DOCK3: variants seen among roughly 807,000 people sequenced by gnomAD.
The protein encoded by DOCK3 is dedicator of cytokinesis protein 3.
In DOCK3, 60 loss-of-function variants were observed where a neutral mutation model predicts 265.6. The observed-to-expected ratio is 0.23, with a 90% confidence interval of 0.18 to 0.28. The LOEUF is 0.28. Ranked by LOEUF, DOCK3 falls within the 10% of genes least tolerant of loss-of-function variation. The pLI, the probability that DOCK3 is intolerant of heterozygous loss-of-function variation, is 1.00. For synonymous variants in DOCK3, 881 were observed against 938.0 expected, an observed-to-expected ratio of 0.94 and a Z score of 1.11; for missense variants, 1,981 against 2,594.3, an observed-to-expected ratio of 0.76 and a Z score of 5.14.
chr3:51,358,211 T>C, intron 46 of DOCK3, 134 bp downstream of exon 46: 1 of 798,578 alleles, frequency 1.3e-6, no homozygotes, highest in South Asian at 1.7e-5. Flanking sequence ...GAGGCTGTCC[T>C]CCCTACAGAG....
At chr3:51,349,027 C>A in intron 39 of DOCK3, 89 bp downstream of exon 39, 1 of 1,241,832 alleles carries the variant, frequency 8.1e-7, no homozygotes, top group Non-Finnish European at 1.1e-6. Flanking sequence ...TAGTTTAGTG[C>A]TGTGGACAAT....
chr3:50,960,258 T>A (rs1363854830), intron 5 of DOCK3, among the ~76,000 whole-genome samples: 1 of 152,214 alleles, frequency 6.6e-6, no homozygotes, highest in African/African-American at 2.4e-5. Context: ...TATTTTTAAC[T>A]TTTAAAGAAA....
At chr3:50,859,468 G>C (rs1302734949) in intron 3 of DOCK3, among the ~76,000 whole-genome samples, 2 of 151,774 alleles carry the variant, frequency 1.3e-5, no homozygotes, top group African/African-American at 4.8e-5. Context: ...CACCCCCCTC[G>C]GCCTCCCAAA....
chr3:50,712,527 G>A (rs2036841330), intron 1 of DOCK3, among the ~76,000 whole-genome samples: 1 of 152,092 alleles, frequency 6.6e-6, no homozygotes, highest in East Asian at 1.9e-4. Flanking sequence ...TAGTAGAGTC[G>A]GGGTTTTGCC....
At chr3:51,255,844 A>G (rs1436997158) in intron 22 of DOCK3, among the ~76,000 whole-genome samples, 1 of 152,192 alleles carries the variant, frequency 6.6e-6, no homozygotes, top group Non-Finnish European at 1.5e-5. Context: ...GTTATTACCG[A>G]TAGTCTGAAG....
At chr3:50,948,141 C>T (rs1394380936) in intron 5 of DOCK3, among the ~76,000 whole-genome samples, 1 of 149,932 alleles carries the variant, frequency 6.7e-6, no homozygotes, top group African/African-American at 2.4e-5. Flanking sequence ...ACTGCAAGCT[C>T]CACCTCCTGG....
rs112598890 is a variant in DOCK3 at position 50,855,917 on chromosome 3, A to G, written c.162+14202A>G. On this transcript the variant is annotated intron_variant, in intron 3 of 52. Coordinates refer to ENST00000266037, the MANE Select transcript of DOCK3 (RefSeq NM_004947.5). Reference sequence around the variant, plus strand: ...TGTTCTTATCATTCAGCTCCCACTTATAAGTGAGAACATGCAGTGTTTGGT... The same window carrying G: ...TGTTCTTATCATTCAGCTCCCACTTGTAAGTGAGAACATGCAGTGTTTGGT... Among the ~76,000 whole-genome samples, 525 of 152,158 alleles carry G rather than the reference A, an allele frequency of 3.5e-3. 4 individuals carry two copies. The highest frequency in any genetic ancestry group is 0.012 in the African/African-American group (507 of 41,484).
Position 51,356,164 on chromosome 3 carries a change from T to A in DOCK3, c.4325T>A (p.Val1442Asp). 2 of 1,613,818 alleles carry A rather than the reference T, an allele frequency of 1.2e-6. No individual in the cohort carries two copies. Among genetic ancestry groups the A allele is most frequent in the Non-Finnish European group, 1.7e-6 (2 of 1,179,846 alleles). The change falls in exon 42 of 53, where the codon GTC (valine) becomes GAC (aspartate). Residue 1442 changes from valine (V) to aspartate (D), a missense_variant. By Grantham distance (152) the Val-to-Asp change is radical. Transcript: ENST00000266037. ...VLQMDRVPDR[V>D]KSFYRVNNVR... ...CAGATGGATAGGGTACCAGATCGAG[T>A]CAAGAGCTTCTATCGCGTCAACAAT...
intron 3 of DOCK3, among the ~76,000 whole-genome samples, chr3:50,851,179 T>C (rs2046342644): frequency 6.6e-6 from 1 of 152,098 alleles, no homozygotes; most frequent in Non-Finnish European, 1.5e-5. Flanking sequence ...TGGCCTAAAC[T>C]CCTAATCCAG....
chr3:50,900,130 G>T (rs569202475), intron 4 of DOCK3, among the ~76,000 whole-genome samples: 1 of 152,122 alleles, frequency 6.6e-6, no homozygotes, highest in Admixed American at 6.5e-5. Context: ...TGTAGATTTG[G>T]TCTTTTCACA....
At chr3:50,748,685 T>C (rs1330554183) in intron 1 of DOCK3, among the ~76,000 whole-genome samples, 1 of 152,190 alleles carries the variant, frequency 6.6e-6, no homozygotes, top group Non-Finnish European at 1.5e-5. Context: ...TCCTCCAAAC[T>C]CTCTACCCTC....
At chr3:50,769,378 T>C (rs1175094077) in intron 1 of DOCK3, among the ~76,000 whole-genome samples, 1 of 152,190 alleles carries the variant, frequency 6.6e-6, no homozygotes, top group Non-Finnish European at 1.5e-5. Context: ...ATGGAAGGAA[T>C]GTACTTCAGC....
chr3:50,676,018 AT>A (rs1413371858), intron 1 of DOCK3, among the ~76,000 whole-genome samples: 1 of 152,176 alleles, frequency 6.6e-6, no homozygotes. Flanking sequence ...ATATTCAGTA[AT>A]TTAAAGTATT....
At chr3:50,843,371 G>A (rs985633822) in intron 3 of DOCK3, among the ~76,000 whole-genome samples, 6 of 151,944 alleles carry the variant, frequency 3.9e-5, no homozygotes, top group South Asian at 2.1e-4. Context: ...CTTCAGCTAG[G>A]CCACCAAGAT....
intron 20 of DOCK3, among the ~76,000 whole-genome samples, chr3:51,236,773 A>AG (rs36126329): frequency 3.7e-4 from 56 of 152,358 alleles, no homozygotes; most frequent in African/African-American, 1.3e-3. Flanking sequence ...CTTACAAAGT[A>AG]GGATATAACC....
Position 51,371,509 on chromosome 3 carries a change from G to A in DOCK3, c.5294-2960G>A, listed in dbSNP as rs184197832. ...CAAAATAGAAGGGTCTGTGTGACATGGCATCATAGAGAAAGACTGATACTT... is the reference window on the plus strand; with the variant it reads ...CAAAATAGAAGGGTCTGTGTGACATAGCATCATAGAGAAAGACTGATACTT... On this transcript the variant is annotated intron_variant, in intron 49 of 52. Coordinates refer to ENST00000266037, the MANE Select transcript of DOCK3 (RefSeq NM_004947.5). 7.9e-5 allele frequency among the ~76,000 whole-genome samples: 12 copies of A among 152,314 alleles called. No homozygotes were observed. The South Asian group carries it at 1.2e-3, about 16-fold the overall frequency.
At chr3:51,156,161 T>TTTTGTA (rs2085841637) in intron 10 of DOCK3, among the ~76,000 whole-genome samples, 1 of 152,222 alleles carries the variant, frequency 6.6e-6, no homozygotes, top group South Asian at 2.1e-4. Context: ...GCTGGTTTTA[T>TTTTGTA]TTTGTATTTG....
chr3:50,994,090 T>C (rs955751225), intron 5 of DOCK3, among the ~76,000 whole-genome samples: 1 of 152,114 alleles, frequency 6.6e-6, no homozygotes, highest in Non-Finnish European at 1.5e-5. Context: ...GATATTGGAC[T>C]GAGTGGCAGG....
chr3:51,312,336 G>T, intron 29 of DOCK3, 140 bp from the exon 30 acceptor site: 1 of 884,128 alleles, frequency 1.1e-6, no homozygotes, highest in East Asian at 2.7e-5. Flanking sequence ...ATTCTTGTTT[G>T]CAAAGATATT....
Sources: gnomAD v4.1 joint callset for allele counts (sites outside exome capture counted in the v4.1 genomes callset) on GRCh38, gnomAD v4.1.1 for gene constraint, MANE v1.5 for transcripts, NCBI Gene and HGNC (gene_info 2026-07-23, HGNC 2026-07-21) for gene names.